CEP104: variants seen among roughly 807,000 people sequenced by gnomAD.
CEP104 encodes centrosomal protein 104.
A neutral mutation model predicts 113.3 loss-of-function variants in CEP104; 84 were observed. The observed-to-expected ratio is 0.74, with a 90% CI of 0.62 to 0.89. CEP104 has a LOEUF of 0.89. Among genes scored for constraint, CEP104 ranks in the 40% least tolerant of loss-of-function variants. The pLI, the probability that CEP104 is intolerant of heterozygous loss-of-function variation, is 0.00. For synonymous variants in CEP104, 378 were observed against 421.7 expected (o/e 0.90, Z 1.27); for missense variants, 1,053 against 1,156.6 (o/e 0.91, Z 1.30).
intron 2 of CEP104, among the ~76,000 whole-genome samples, chr1:3,849,012 C>G (rs541249184): frequency 6.6e-5 from 10 of 152,108 alleles, no homozygotes; most frequent in Non-Finnish European, 1.2e-4. Context: ...GCCTGTAACC[C>G]TATAGGAATC....
chr1:3,826,753 C>G lies in CEP104; in HGVS notation c.2152-9G>C. ...GCATCACTTTCTTTTTCCTAAGACA[C>G]AGAAACAGTGAGGTCAGGGGCAAAG... is the stretch of plus-strand genomic sequence containing the variant. On this transcript the variant is annotated splice_polypyrimidine_tract_variant and intron_variant, in intron 15 of 21. Coordinates refer to ENST00000378230, the MANE Select transcript of CEP104 (RefSeq NM_014704.4). 1.2e-6 allele frequency: 2 copies of G among 1,613,974 alleles called. No individual in the cohort carries two copies. The highest frequency in any genetic ancestry group is 1.7e-6 in the Non-Finnish European group (2 of 1,179,846).
chr1:3,830,236 C>T (rs1348721039), intron 13 of CEP104, among the ~76,000 whole-genome samples: 1 of 151,922 alleles, frequency 6.6e-6, no homozygotes, highest in African/African-American at 2.4e-5. Context: ...GGCTATAGTG[C>T]AATTTCATCC....
intron 12 of CEP104, 120 bp from the exon 13 acceptor site, chr1:3,831,342 G>C (rs1557671295): frequency 2.5e-6 from 2 of 802,604 alleles, no homozygotes; most frequent in Non-Finnish European, 4.0e-6. Context: ...CAGATTGATA[G>C]TGACAAGGAG....
intron 2 of CEP104, among the ~76,000 whole-genome samples, chr1:3,850,686 G>A (rs923507177): frequency 9.2e-5 from 14 of 152,122 alleles, no homozygotes; most frequent in Non-Finnish European, 1.2e-4. Flanking sequence ...GTCTTTCTGC[G>A]ATGTGCCTGA....
intron 11 of CEP104, 144 bp downstream of exon 11, chr1:3,834,781 C>T (rs1035329810): frequency 4.3e-6 from 3 of 705,690 alleles, no homozygotes; most frequent in African/African-American, 1.8e-5. Context: ...TAGAGAACCT[C>T]ATTTCTTAGT....
intron 20 of CEP104, among the ~76,000 whole-genome samples, chr1:3,821,459 C>T (rs548333454): frequency 6.6e-6 from 1 of 152,330 alleles, no homozygotes; most frequent in East Asian, 1.9e-4. Context: ...CTTCACTCTG[C>T]CTTTCCAATA....
intron 15 of CEP104, among the ~76,000 whole-genome samples, chr1:3,826,981 T>C (rs1348108334): frequency 1.4e-5 from 2 of 145,612 alleles, no homozygotes; most frequent in Non-Finnish European, 3.1e-5. Context: ...AACAAAACCC[T>C]GTCTCTACAA....
chr1:3,848,404 C>T (rs184171642), intron 3 of CEP104, among the ~76,000 whole-genome samples: 3 of 151,656 alleles, frequency 2.0e-5, no homozygotes, highest in African/African-American at 7.3e-5. Flanking sequence ...TGATGGCGGG[C>T]ACCTGTAGTC....
At chr1:3,853,696 G>A (rs1419847663) in intron 1 of CEP104, among the ~76,000 whole-genome samples, 1 of 152,112 alleles carries the variant, frequency 6.6e-6, no homozygotes, top group Non-Finnish European at 1.5e-5. Context: ...ATAAACCATC[G>A]AGATTCTAGT....
chr1:3,823,233 G>C lies in CEP104; in HGVS notation c.2512C>G (p.Pro838Ala). 6.2e-7 allele frequency: 1 copy of C among 1,614,144 alleles called. No individual in the cohort carries two copies. The highest frequency in any genetic ancestry group is 2.2e-5 in the East Asian group (1 of 44,882). Residue 838 changes from proline (P) to alanine (A), a missense_variant, in exon 20 of 22, where the codon CCG (proline) becomes GCG (alanine). Physicochemically the swap from Pro to Ala is conservative, Grantham distance 27 (BLOSUM62 -1). Coordinates refer to ENST00000378230, the MANE Select transcript of CEP104 (RefSeq NM_014704.4). The surrounding 1 kb of genome is among the most constrained non-coding windows in gnomAD (Gnocchi z 4.1). ...IKHKDCNPAK[P>A]EKLANRCPLC... ...GGACACCGGTTTGCCAGCTTCTCCGGTTTGGCAGCTGAAATGATTTTAAAA... is the reference window on the plus strand; with the variant it reads ...GGACACCGGTTTGCCAGCTTCTCCGCTTTGGCAGCTGAAATGATTTTAAAA...
chr1:3,851,257 G>A (rs898389194), intron 2 of CEP104, among the ~76,000 whole-genome samples: 1 of 151,816 alleles, frequency 6.6e-6, no homozygotes, highest in Non-Finnish European at 1.5e-5. Context: ...CTCACTTCCG[G>A]GAAATGCAGG....
At position 3,829,671 on chromosome 1, in the gene CEP104, C is replaced by T. The variant is rs79457954; in HGVS notation, c.2043+120G>A. The T allele has an allele frequency of 1.4e-3, 1,539 of 1,079,932 alleles. 12 individuals are homozygous for T. In the African/African-American group the frequency reaches 0.02, roughly 14 times the overall value. The allele number at this position is 1,079,932 out of a possible 1,614,324, so 66.9% of individuals were successfully genotyped here. A position where few individuals can be genotyped will look rare whatever the true frequency, so the allele number is the denominator to read the frequency against. On this transcript the variant is annotated intron_variant, in intron 14 of 21. Transcript: ENST00000378230. Reference sequence around the variant, plus strand: ...AACCTGTGTTCTTTCTTAGCCAGGACGCCGGGGCTTCCCATACATGTGGCT... The same window carrying T: ...AACCTGTGTTCTTTCTTAGCCAGGATGCCGGGGCTTCCCATACATGTGGCT...
At chr1:3,849,169 A>G (rs149423390) in intron 2 of CEP104, among the ~76,000 whole-genome samples, 14 of 152,224 alleles carry the variant, frequency 9.2e-5, no homozygotes, top group Admixed American at 9.2e-4. Flanking sequence ...CAAGGTATCA[A>G]TATTTAAGGA....
chr1:3,850,866 G>A (rs1644597693), intron 2 of CEP104, among the ~76,000 whole-genome samples: 2 of 152,208 alleles, frequency 1.3e-5, no homozygotes, highest in Admixed American at 6.5e-5. Context: ...CCATACTGGT[G>A]TGATTTTTAT....
chr1:3,836,899 T>G (rs532590915), intron 9 of CEP104: 6 of 577,322 alleles, frequency 1.0e-5, no homozygotes, highest in Non-Finnish European at 1.8e-5. Context: ...TATTACTTTC[T>G]AAACTCATTA....
chr1:3,826,260 TTA>T lies in CEP104; in HGVS notation c.2255+108_2255+109del, dbSNP rs199670608. On this transcript the variant is annotated intron_variant, in intron 17 of 21. Coordinates refer to ENST00000378230, the MANE Select transcript of CEP104 (RefSeq NM_014704.4). ...GTGCAGAAGGCACATTTCCTACCTT[TTA>T]TGATGACTACGAAGGGCCAACTAGG... The T allele has an allele frequency of 0.021, 18,348 of 888,152 alleles. 377 individuals carry two copies. The highest frequency in any genetic ancestry group is 0.071 in the South Asian group (4,841 of 68,126). 55.0% of individuals were successfully genotyped at this position (888,152 alleles called of 1,614,324 possible).
Position 3,836,599 on chromosome 1 carries a change from T to C in CEP104, c.1213A>G (p.Ile405Val), listed in dbSNP as rs1397558523. The C allele has an allele frequency of 3.7e-6, 6 of 1,613,178 alleles. No homozygotes were observed. The South Asian group carries it at 5.5e-5, about 15-fold the overall frequency. Residue 405 changes from isoleucine (I) to valine (V), a missense_variant, in exon 10 of 22, where the codon ATC (isoleucine) becomes GTC (valine). Ile to Val is a conservative substitution (Grantham distance 29). Coordinates refer to ENST00000378230, the MANE Select transcript of CEP104 (RefSeq NM_014704.4). ...ATGCCTCCCCTCCGAGCATCGCTGA[T>C]GTCTGCATTACTCATTTCCGGCTCC... ...VVEPEMSNAD[I>V]SDARRGGMLG...
Position 3,819,868 on chromosome 1 carries a change from CAG to C in CEP104, c.2571+3304_2571+3305del, listed in dbSNP as rs910520407. The stretch of plus-strand genomic sequence containing the variant: ...TGGCCTCGAGGAAGTGAGCTGCCAG[CAG>C]AGAGGCCCCCGGTGCTGACGGTGGG... On this transcript the variant is annotated intron_variant, in intron 20 of 21. Coordinates refer to ENST00000378230, the MANE Select transcript of CEP104 (RefSeq NM_014704.4). This position sits in a 1 kb window ranked among gnomAD's most constrained non-coding sequence, Gnocchi z 4.6. Among the ~76,000 whole-genome samples the C allele has an allele frequency of 1.3e-5, 2 of 152,194 alleles. No homozygotes were observed. The highest frequency in any genetic ancestry group is 6.5e-5 in the Admixed American group (1 of 15,284).
At chr1:3,854,779 C>A (rs896018644) in intron 1 of CEP104, among the ~76,000 whole-genome samples, 1 of 151,540 alleles carries the variant, frequency 6.6e-6, no homozygotes, top group South Asian at 2.1e-4. Context: ...ATGCCAGGCC[C>A]CTTTCATCAT....
Sources: gnomAD v4.1 joint callset for allele counts (sites outside exome capture counted in the v4.1 genomes callset) on GRCh38, gnomAD v4.1.1 for gene constraint, Gnocchi (gnomAD v3.1) non-coding constraint, MANE v1.5 for transcripts, NCBI Gene and HGNC (gene_info 2026-07-23, HGNC 2026-07-21) for gene names.